CSMD1: variants seen among roughly 807,000 people sequenced by gnomAD.
CSMD1 encodes CUB and sushi domain-containing protein 1.
Under a neutral mutation model 417.5 loss-of-function variants are expected in CSMD1, and 213 were observed. That is an observed-to-expected ratio of 0.51 (90% CI 0.46 to 0.57). The LOEUF (loss-of-function observed/expected upper bound fraction) is 0.57, where lower values mean the gene tolerates loss of function less well. CSMD1 is among the 20% of genes least tolerant of loss of function. CSMD1 has a pLI of 0.00. For synonymous variants in CSMD1, 2,862 were observed against 1,736.8 expected (o/e 1.65, Z -16.11); for missense variants, 6,923 against 4,529.7 (o/e 1.53, Z -15.17).
chr8:2,965,745 C>G lies in CSMD1; in HGVS notation c.9280+30G>C, dbSNP rs750205949. 3.6e-5 allele frequency: 56 copies of G among 1,567,124 alleles called. 2 individuals are homozygous for G. In the South Asian group the frequency reaches 5.9e-4, roughly 17 times the overall value. ...ATTCAATAAAGACTTCTATACACAT[C>G]TGTAAAATCCAAAGAGTCACCAAAC... On this transcript the variant is annotated intron_variant, in intron 59 of 69. Transcript: ENST00000635120.
At chr8:3,165,481 G>C (rs925649772) in intron 37 of CSMD1, among the ~76,000 whole-genome samples, 1 of 151,788 alleles carries the variant, frequency 6.6e-6, no homozygotes, top group East Asian at 1.9e-4. Context: ...GCCCAGGCTG[G>C]AGTGCAGTGG....
At chr8:4,227,307 G>A (rs777550175) in intron 3 of CSMD1, among the ~76,000 whole-genome samples, 3 of 152,094 alleles carry the variant, frequency 2.0e-5, no homozygotes, top group African/African-American at 4.8e-5. Context: ...GGGGGCTGTC[G>A]TGGCCTCTCC....
At chr8:4,086,229 C>T (rs1057036105) in intron 3 of CSMD1, among the ~76,000 whole-genome samples, 3 of 152,068 alleles carry the variant, frequency 2.0e-5, no homozygotes, top group Admixed American at 6.6e-5. Flanking sequence ...TCTTCTGGTA[C>T]ATCTTCATGA....
chr8:3,844,888 T>C (rs140319379), intron 5 of CSMD1, among the ~76,000 whole-genome samples: 56 of 152,314 alleles, frequency 3.7e-4, no homozygotes, highest in African/African-American at 1.3e-3. Context: ...TTTTCTAAAA[T>C]TCTTGTCAAT....
At chr8:3,523,790 T>TGCGCACACATGCACACACAC (rs796600569) in intron 10 of CSMD1, among the ~76,000 whole-genome samples, 3 of 122,066 alleles carry the variant, frequency 2.5e-5, no homozygotes, top group African/African-American at 9.2e-5. Context: ...CCCAGAGACA[T>TGCGCACACATGCACACACAC]ATGCACACAT....
At position 3,407,879 on chromosome 8, in the gene CSMD1, G is replaced by T; in HGVS notation, c.2071+20C>A. On this transcript the variant is annotated intron_variant, in intron 14 of 69. Transcript: ENST00000635120. ...AGTAAAATGAGAACTTGGATGTGTTGACTGTGTGGGCGTACTTACTGGTGT... is the reference window on the plus strand; with the variant it reads ...AGTAAAATGAGAACTTGGATGTGTTTACTGTGTGGGCGTACTTACTGGTGT... The T allele has an allele frequency of 1.3e-6, 2 of 1,574,636 alleles. No individual in the cohort carries two copies. The highest frequency in any genetic ancestry group is 1.2e-5 in the South Asian group (1 of 86,088).
At chr8:3,842,416 G>C (rs1803198787) in intron 5 of CSMD1, among the ~76,000 whole-genome samples, 1 of 152,036 alleles carries the variant, frequency 6.6e-6, no homozygotes, top group African/African-American at 2.4e-5. Context: ...ATGTCTTATA[G>C]TCTCAAGACT....
Position 4,332,600 on chromosome 8 carries a change from CACACACAG to C in CSMD1, c.415+87345_415+87352del, listed in dbSNP as rs1332901932. ...ACACACACACACACACACACACACA[CACACACAG>C]AGTCATATGCAGAGACATTCAGATA... is the stretch of plus-strand genomic sequence containing the variant. On this transcript the variant is annotated intron_variant, in intron 3 of 69. Transcript: ENST00000635120. 4.0e-3 allele frequency among the ~76,000 whole-genome samples: 494 copies of C among 124,348 alleles called. 8 individuals are homozygous for C. The highest frequency in any genetic ancestry group is 0.021 in the African/African-American group (466 of 22,452). 81.6% of individuals were successfully genotyped at this position (124,348 alleles called of 152,430 possible).
intron 3 of CSMD1, among the ~76,000 whole-genome samples, chr8:4,185,691 T>G (rs1470547850): frequency 6.6e-6 from 1 of 152,184 alleles, no homozygotes; most frequent in African/African-American, 2.4e-5. Flanking sequence ...AATGTCTAGT[T>G]TGAAGACATG....
At chr8:4,346,442 T>A (rs1405761230) in intron 3 of CSMD1, among the ~76,000 whole-genome samples, 1 of 152,104 alleles carries the variant, frequency 6.6e-6, no homozygotes, top group African/African-American at 2.4e-5. Flanking sequence ...ATCTGGCCCT[T>A]TAAAGCAAGG....
At chr8:3,190,186 G>A in intron 33 of CSMD1, 71 bp from the exon 34 acceptor site, 2 of 1,010,616 alleles carry the variant, frequency 2.0e-6, no homozygotes, top group East Asian at 3.6e-5. Context: ...TGGAACGTGG[G>A]TTTAAGATGG....
rs531254888 is a variant in CSMD1, at chr8:3,889,018, C to T, written c.818+108885G>A. 2.1e-3 allele frequency among the ~76,000 whole-genome samples: 312 copies of T among 152,156 alleles called. 1 individual carries two copies. Among genetic ancestry groups the T allele is most frequent in the African/African-American group, 7.0e-3 (292 of 41,502 alleles). On this transcript the variant is annotated intron_variant, in intron 5 of 69. Coordinates refer to ENST00000635120, the MANE Select transcript of CSMD1 (RefSeq NM_033225.6). ...AAGTACTTACAAACTCATTCAATTA[C>T]CATAATTGCCATTTCATACAATTCT... is the stretch of plus-strand genomic sequence containing the variant.
intron 1 of CSMD1, among the ~76,000 whole-genome samples, chr8:4,826,276 T>C (rs73181569): frequency 0.047 from 7,183 of 152,050 alleles, 200 homozygotes; most frequent in African/African-American, 0.071. Flanking sequence ...AAATGTGACA[T>C]ATACACACAT....
At chr8:4,734,959 C>G (rs1419733190) in intron 1 of CSMD1, among the ~76,000 whole-genome samples, 2 of 152,144 alleles carry the variant, frequency 1.3e-5, no homozygotes, top group Non-Finnish European at 2.9e-5. Flanking sequence ...GCCTGGGATT[C>G]TGGGAAAGTT....
At chr8:4,387,352 C>G (rs1803519959) in intron 3 of CSMD1, among the ~76,000 whole-genome samples, 1 of 152,044 alleles carries the variant, frequency 6.6e-6, no homozygotes, top group African/African-American at 2.4e-5. Context: ...AGCCTACACT[C>G]AGAAGTGCAA....
chr8:3,300,204 C>G (rs150548344), intron 25 of CSMD1, among the ~76,000 whole-genome samples: 4 of 151,892 alleles, frequency 2.6e-5, no homozygotes, highest in African/African-American at 4.8e-5. Context: ...AATAAATGTT[C>G]AGAATAACAT....
chr8:3,526,529 C>G (rs1051424676), intron 10 of CSMD1, among the ~76,000 whole-genome samples: 5 of 152,172 alleles, frequency 3.3e-5, no homozygotes, highest in Non-Finnish European at 5.9e-5. Context: ...AAAGCAAGCT[C>G]CCAGGAATGG....
intron 3 of CSMD1, among the ~76,000 whole-genome samples, chr8:4,389,932 G>C (rs888180253): frequency 7.9e-5 from 12 of 152,134 alleles, no homozygotes; most frequent in African/African-American, 2.4e-4. Context: ...AGGATGAATA[G>C]CTCTGTGTAT....
intron 5 of CSMD1, among the ~76,000 whole-genome samples, chr8:3,820,569 G>C (rs1801674131): frequency 1.3e-5 from 2 of 152,084 alleles, no homozygotes; most frequent in African/African-American, 2.4e-5. Flanking sequence ...TTGTGTTTTT[G>C]TTTTTGTTGT....
Sources: gnomAD v4.1 joint callset for allele counts (sites outside exome capture counted in the v4.1 genomes callset) on GRCh38, gnomAD v4.1.1 for gene constraint, MANE v1.5 for transcripts, NCBI Gene and HGNC (gene_info 2026-07-23, HGNC 2026-07-21) for gene names.